The following KSR2 variants were observed in gnomAD, a reference collection of about 807,000 sequenced individuals.
The protein encoded by KSR2 is kinase suppressor of ras 2.
KSR2 carries 25 observed loss-of-function variants against 107.8 expected under a neutral mutation model. The ratio of observed to expected loss-of-function variants is 0.23; its 90% confidence interval spans 0.17 to 0.32. The LOEUF (loss-of-function observed/expected upper bound fraction) is 0.32, where lower values mean the gene tolerates loss of function less well. KSR2 is among the 10% of genes least tolerant of loss of function. KSR2 has a pLI of 1.00. For missense variants in KSR2, 887 were observed against 1,268.9 expected (o/e 0.70, Z 4.57); for synonymous variants, 480 against 507.0 (o/e 0.95, Z 0.71).
At chr12:117,604,130 C>A (rs759474072) in intron 5 of KSR2, among the ~76,000 whole-genome samples, 2 of 152,188 alleles carry the variant, frequency 1.3e-5, no homozygotes, top group Non-Finnish European at 2.9e-5. Context: ...AAGGGGCATG[C>A]GGCTCAGCTG....
intron 5 of KSR2, among the ~76,000 whole-genome samples, chr12:117,650,113 G>C (rs1204345649): frequency 6.6e-6 from 1 of 152,208 alleles, no homozygotes; most frequent in African/African-American, 2.4e-5. Context: ...TGCCAAAAGA[G>C]TCAGTGGGCT....
Position 117,522,332 on chromosome 12 carries a change from A to C in KSR2, c.2219+2520T>G, listed in dbSNP as rs569282963. 5.3e-5 allele frequency among the ~76,000 whole-genome samples: 8 copies of C among 152,192 alleles called. No individual in the cohort carries two copies. The South Asian group carries it at 1.2e-3, about 24-fold the overall frequency. ...GCTTCATAGGTAATGCTGAACAGGG[A>C]GGCAGGAGGGTGGTAAGGAACTGAC... On this transcript the variant is annotated intron_variant, in intron 14 of 19. Transcript: ENST00000339824.
chr12:117,724,032 C>T (rs747244235), intron 4 of KSR2, among the ~76,000 whole-genome samples: 4 of 151,884 alleles, frequency 2.6e-5, no homozygotes, highest in Admixed American at 6.6e-5. Context: ...TCGGGCTGGG[C>T]GTAGTGGCTC....
intron 3 of KSR2, among the ~76,000 whole-genome samples, chr12:117,829,594 T>G (rs1891880837): frequency 6.6e-6 from 1 of 152,192 alleles, no homozygotes; most frequent in Admixed American, 6.5e-5. Context: ...CATCAGAAAC[T>G]GATGAAAAAC....
intron 1 of KSR2, among the ~76,000 whole-genome samples, chr12:117,875,432 G>C (rs1452549073): frequency 6.6e-6 from 1 of 151,408 alleles, no homozygotes; most frequent in Non-Finnish European, 1.5e-5. Context: ...GCCCTTGCAA[G>C]AACCATCCCT....
intron 3 of KSR2, among the ~76,000 whole-genome samples, chr12:117,778,127 C>G (rs1889759705): frequency 6.6e-6 from 1 of 152,142 alleles, no homozygotes; most frequent in Admixed American, 6.5e-5. Flanking sequence ...TTCTTCTTTA[C>G]TTTTTTTGAG....
At chr12:117,642,423 G>T (rs1883419030) in intron 5 of KSR2, among the ~76,000 whole-genome samples, 1 of 152,140 alleles carries the variant, frequency 6.6e-6, no homozygotes, top group Non-Finnish European at 1.5e-5. Flanking sequence ...TATTTTCAAG[G>T]CTTCCTTCAA....
At chr12:117,811,118 C>G (rs1465231431) in intron 3 of KSR2, among the ~76,000 whole-genome samples, 1 of 152,092 alleles carries the variant, frequency 6.6e-6, no homozygotes, top group Non-Finnish European at 1.5e-5. Flanking sequence ...ACTTGGAGGG[C>G]AGGCCTGGCA....
chr12:117,731,131 G>A (rs1205678984), intron 4 of KSR2, among the ~76,000 whole-genome samples: 3 of 151,190 alleles, frequency 2.0e-5, no homozygotes, highest in Admixed American at 1.3e-4. Flanking sequence ...CCCCGTCTGG[G>A]AGGTGAGGAG....
intron 5 of KSR2, among the ~76,000 whole-genome samples, chr12:117,615,732 A>G (rs965995903): frequency 1.5e-4 from 23 of 152,208 alleles, no homozygotes; most frequent in Non-Finnish European, 3.1e-4. Context: ...CCCAAGCGAC[A>G]TACTGACTGG....
intron 5 of KSR2, among the ~76,000 whole-genome samples, chr12:117,664,524 AAGG>A (rs1391542413): frequency 6.6e-6 from 1 of 152,010 alleles, no homozygotes; most frequent in Non-Finnish European, 1.5e-5. Context: ...TATTACAAAC[AAGG>A]AGGAGTCGGC....
intron 3 of KSR2, among the ~76,000 whole-genome samples, chr12:117,811,076 C>G (rs1444711437): frequency 6.6e-6 from 1 of 152,086 alleles, no homozygotes; most frequent in Admixed American, 6.5e-5. Flanking sequence ...CGGATGAAAC[C>G]CTTTTGGTGA....
intron 3 of KSR2, among the ~76,000 whole-genome samples, chr12:117,764,896 T>G (rs781200385): frequency 3.9e-5 from 6 of 152,222 alleles, no homozygotes; most frequent in Non-Finnish European, 7.3e-5. Flanking sequence ...GGGACTACTA[T>G]GAGGATCAGA....
At chr12:117,489,390 C>CA (rs1178884353) in intron 14 of KSR2, among the ~76,000 whole-genome samples, 2 of 151,644 alleles carry the variant, frequency 1.3e-5, no homozygotes, top group South Asian at 2.1e-4. Context: ...AAAGGATACA[C>CA]AAAAAAACTA....
chr12:117,726,176 CATAAA>C (rs1192220377), intron 4 of KSR2, among the ~76,000 whole-genome samples: 3 of 151,774 alleles, frequency 2.0e-5, no homozygotes, highest in Non-Finnish European at 4.4e-5. Flanking sequence ...TCAAAAAAAA[CATAAA>C]ATAAAATAAA....
At chr12:117,909,999 A>T (rs1894966995) in intron 1 of KSR2, among the ~76,000 whole-genome samples, 1 of 151,980 alleles carries the variant, frequency 6.6e-6, no homozygotes, top group Non-Finnish European at 1.5e-5. Context: ...AGGCTGAAGG[A>T]GGAGGAACAT....
Position 117,465,993 on chromosome 12 carries a change from A to G in KSR2, c.*1206T>C, listed in dbSNP as rs1274233489. On this transcript the variant is annotated 3_prime_UTR_variant, in exon 20 of 20. Transcript: ENST00000339824. Reference sequence around the variant, plus strand: ...GGTTGGGATCAAGAGGAGGGAGGGAAGGTGGGGCACTGAGGGAACACACAC... The same window carrying G: ...GGTTGGGATCAAGAGGAGGGAGGGAGGGTGGGGCACTGAGGGAACACACAC... 1 of 152,362 alleles carries G rather than the reference A, an allele frequency of 6.6e-6. No homozygotes were observed. The highest frequency in any genetic ancestry group is 1.9e-4 in the East Asian group (1 of 5,186). 9.4% of individuals were successfully genotyped at this position (152,362 alleles called of 1,614,324 possible).
chr12:117,837,354 C>T (rs939798386), intron 3 of KSR2, among the ~76,000 whole-genome samples: 2 of 152,200 alleles, frequency 1.3e-5, no homozygotes, highest in Non-Finnish European at 2.9e-5. Flanking sequence ...TACTATGCAT[C>T]TTGTGCACCG....
chr12:117,510,748 T>A (rs889134575), intron 14 of KSR2, among the ~76,000 whole-genome samples: 4 of 152,042 alleles, frequency 2.6e-5, no homozygotes, highest in Non-Finnish European at 5.9e-5. Flanking sequence ...CATGGTGGCA[T>A]GTGCCTGTGG....
Sources: gnomAD v4.1 joint callset for allele counts (sites outside exome capture counted in the v4.1 genomes callset) on GRCh38, gnomAD v4.1.1 for gene constraint, MANE v1.5 for transcripts, NCBI Gene and HGNC (gene_info 2026-07-23, HGNC 2026-07-21) for gene names.